NAT2: variants seen among roughly 807,000 people sequenced by gnomAD.
The protein encoded by NAT2 is arylamine N-acetyltransferase 2.
For missense variants in NAT2, 428 were observed against 339.1 expected (o/e 1.26, Z -2.06); for synonymous variants, 137 against 125.9 (o/e 1.09, Z -0.59).
upstream of NAT2, among the ~76,000 whole-genome samples, chr8:18,390,781 G>C (rs1413564945): frequency 6.6e-6 from 1 of 152,132 alleles, no homozygotes; most frequent in Admixed American, 6.5e-5. Context: ...CATGCATAGA[G>C]TTATTTCAGA....
chr8:18,399,424 T>A (rs1800749224), intron 1 of NAT2, among the ~76,000 whole-genome samples: 1 of 152,180 alleles, frequency 6.6e-6, no homozygotes, highest in African/African-American at 2.4e-5. Context: ...AAATATAATA[T>A]TTTTGAGGGC....
Position 18,401,184 on chromosome 8 carries a change from T to C in NAT2, c.*308T>C. 1 of 226,332 alleles carries C rather than the reference T, an allele frequency of 4.4e-6. No individual in the cohort carries two copies. The highest frequency in any genetic ancestry group is 9.2e-6 in the Non-Finnish European group (1 of 109,046). The allele number at this position is 226,332 out of a possible 1,614,324, so 14.0% of individuals were successfully genotyped here. A position where few individuals can be genotyped will look rare whatever the true frequency, so the allele number is the denominator to read the frequency against. ...TTATTGTTGAATTCATAGTAAATTT[T>C]TACTGGTAAATGAATAAAGAATATT... On this transcript the variant is annotated 3_prime_UTR_variant, in exon 2 of 2. Coordinates refer to ENST00000286479, the MANE Select transcript of NAT2 (RefSeq NM_000015.3).
In NAT2 at chr8:18,400,196, G is replaced by T; in HGVS notation, c.193G>T (p.Gly65Cys). 1 of 1,613,240 alleles carries T rather than the reference G, an allele frequency of 6.2e-7. No homozygotes were observed. The highest frequency in any genetic ancestry group is 8.5e-7 in the Non-Finnish European group (1 of 1,179,430). ...TGATCACATTGTAAGAAGAAACCGG[G>T]GTGGGTGGTGTCTCCAGGTCAATCA... ...IFDHIVRRNR[G>C]GWCLQVNQLL... is the part of the protein sequence containing the mutation. The change falls in exon 2 of 2, where the codon GGT (glycine) becomes TGT (cysteine). Residue 65 changes from glycine to cysteine, a missense_variant. Transcript: ENST00000286479.
chr8:18,386,909 A>G (rs1800513461), upstream of NAT2, among the ~76,000 whole-genome samples: 1 of 152,206 alleles, frequency 6.6e-6, no homozygotes, highest in Non-Finnish European at 1.5e-5. Flanking sequence ...CTCACAACTC[A>G]GGTGAGCAAG....
intron 1 of NAT2, among the ~76,000 whole-genome samples, chr8:18,393,644 G>A (rs529994417): frequency 3.3e-5 from 5 of 152,290 alleles, no homozygotes; most frequent in Admixed American, 1.3e-4. Flanking sequence ...CAGCAGATAT[G>A]CATGAAGGTT....
upstream of NAT2, among the ~76,000 whole-genome samples, chr8:18,387,953 A>G (rs936003830): frequency 6.6e-6 from 1 of 152,170 alleles, no homozygotes; most frequent in Non-Finnish European, 1.5e-5. Flanking sequence ...TTGGAGTTGA[A>G]TGTTTCTCTT....
At chr8:18,393,626 C>A (rs1464361318) in intron 1 of NAT2, among the ~76,000 whole-genome samples, 1 of 152,164 alleles carries the variant, frequency 6.6e-6, no homozygotes, top group Non-Finnish European at 1.5e-5. Context: ...TCTGAGAAGG[C>A]CTCACATCAG....
Position 18,400,049 on chromosome 8 carries a change from A to G in NAT2, c.46A>G (p.Arg16Gly). 6.2e-7 allele frequency: 1 copy of G among 1,610,278 alleles called. No homozygotes were observed. The highest frequency in any genetic ancestry group is 8.5e-7 in the Non-Finnish European group (1 of 1,177,990). ...YFERIGYKNSRNKLDLETLTD... is the reference protein window; with the variant it reads ...YFERIGYKNSGNKLDLETLTD... Reference sequence around the variant, plus strand: ...TGAAAGAATTGGCTATAAGAACTCTAGGAACAAATTGGACTTGGAAACATT... The same window carrying G: ...TGAAAGAATTGGCTATAAGAACTCTGGGAACAAATTGGACTTGGAAACATT... Residue 16 changes from arginine (R) to glycine (G), a missense_variant, in exon 2 of 2, where the codon AGG becomes GGG. Physicochemically the swap from Arg to Gly is moderately radical, Grantham distance 125. Transcript: ENST00000286479.
rs551953565 is a variant in NAT2, at chr8:18,399,773, A to G, written c.-6-225A>G. ...CCAACTCCTCATGCTTAAAAGACGGAAGATACAATAATACTTTCCTTACAG... is the reference window on the plus strand; with the variant it reads ...CCAACTCCTCATGCTTAAAAGACGGGAGATACAATAATACTTTCCTTACAG... On this transcript the variant is annotated intron_variant, in intron 1 of 1. Coordinates refer to ENST00000286479, the MANE Select transcript of NAT2 (RefSeq NM_000015.3). 5.3e-5 allele frequency among the ~76,000 whole-genome samples: 8 copies of G among 151,678 alleles called. No individual in the cohort carries two copies. The South Asian group carries it at 1.7e-3, about 31-fold the overall frequency.
Position 18,400,934 on chromosome 8 carries a change from T to A in NAT2, c.*58T>A. On this transcript the variant is annotated 3_prime_UTR_variant, in exon 2 of 2. Transcript: ENST00000286479. The stretch of plus-strand genomic sequence containing the variant: ...TCACCCAACTCACTAATTATCAACT[T>A]ATGTGCTATCAGATATCCTCTCTAC... 1 of 1,339,492 alleles carries A rather than the reference T, an allele frequency of 7.5e-7. No homozygotes were observed. Among genetic ancestry groups the A allele is most frequent in the Non-Finnish European group, 1.0e-6 (1 of 983,232 alleles). The allele number at this position is 1,339,492 out of a possible 1,614,324, so 83.0% of individuals were successfully genotyped here. A position where few individuals can be genotyped will look rare whatever the true frequency, so the allele number is the denominator to read the frequency against.
At position 18,400,148 on chromosome 8, in the gene NAT2, G is replaced by A. The variant is rs1189346481; in HGVS notation, c.145G>A (p.Glu49Lys). 1 of 1,613,952 alleles carries A rather than the reference G, an allele frequency of 6.2e-7. No individual in the cohort carries two copies. The highest frequency in any genetic ancestry group is 8.5e-7 in the Non-Finnish European group (1 of 1,179,974). Residue 49 changes from glutamate (E) to lysine (K), a missense_variant, in exon 2 of 2, where the codon GAG becomes AAG. Coordinates refer to ENST00000286479, the MANE Select transcript of NAT2 (RefSeq NM_000015.3). Reference sequence around the variant, plus strand: ...TAACATGCATTGTGGGCAAGCCATGGAGTTGGGCTTAGAGGCTATTTTTGA... The same window carrying A: ...TAACATGCATTGTGGGCAAGCCATGAAGTTGGGCTTAGAGGCTATTTTTGA... ...NLNMHCGQAMELGLEAIFDHI... is the reference protein window; with the variant it reads ...NLNMHCGQAMKLGLEAIFDHI...
intron 1 of NAT2, among the ~76,000 whole-genome samples, chr8:18,395,452 C>T (rs1360238976): frequency 6.6e-6 from 1 of 152,020 alleles, no homozygotes; most frequent in East Asian, 1.9e-4. Flanking sequence ...TGTTGAAAAA[C>T]ATACTAGTAA....
intron 1 of NAT2, among the ~76,000 whole-genome samples, chr8:18,395,578 G>A (rs1162873613): frequency 6.6e-6 from 1 of 151,866 alleles, no homozygotes; most frequent in South Asian, 2.1e-4. Flanking sequence ...TTGGCTTCAG[G>A]GGACTTAATA....
intron 1 of NAT2, among the ~76,000 whole-genome samples, chr8:18,394,826 C>T (rs559244078): frequency 6.6e-6 from 1 of 152,256 alleles, no homozygotes; most frequent in African/African-American, 2.4e-5. Flanking sequence ...TGTTACAAAA[C>T]AAAACAGATT....
chr8:18,388,866 C>T (rs936840280), upstream of NAT2, among the ~76,000 whole-genome samples: 3 of 152,168 alleles, frequency 2.0e-5, no homozygotes, highest in Non-Finnish European at 4.4e-5. Context: ...TCAGGTATTC[C>T]CCAATTCTGC....
intron 1 of NAT2, among the ~76,000 whole-genome samples, chr8:18,396,874 A>G (rs1800701990): frequency 1.3e-5 from 2 of 152,226 alleles, no homozygotes; most frequent in African/African-American, 4.8e-5. Context: ...GTTTTGTCTA[A>G]TGTCTCAGTT....
At chr8:18,390,893 T>C (rs1270468338), upstream of NAT2, among the ~76,000 whole-genome samples, 1 of 152,102 alleles carries the variant, frequency 6.6e-6, no homozygotes, top group African/African-American at 2.4e-5. Context: ...GTGATGAAAG[T>C]GTGCCATAAA....
chr8:18,391,133 G>C (rs1800585511), upstream of NAT2: 1 of 152,086 alleles, frequency 6.6e-6, no homozygotes, highest in African/African-American at 2.4e-5. Flanking sequence ...TTAACAAAAA[G>C]ATTTGCGTAA....
intron 1 of NAT2, among the ~76,000 whole-genome samples, chr8:18,396,987 A>C (rs1416800904): frequency 1.3e-5 from 2 of 152,206 alleles, no homozygotes; most frequent in Non-Finnish European, 2.9e-5. Flanking sequence ...TTAAAATCTT[A>C]AACTTATTTT....
Sources: gnomAD v4.1 joint callset for allele counts (sites outside exome capture counted in the v4.1 genomes callset) on GRCh38, gnomAD v4.1.1 for gene constraint, MANE v1.5 for transcripts, NCBI Gene and HGNC (gene_info 2026-07-23, HGNC 2026-07-21) for gene names.